The following GNAL variants were observed in gnomAD, a reference collection of about 807,000 sequenced individuals.
GNAL encodes guanine nucleotide-binding protein G(olf) subunit alpha.
Under a neutral mutation model 55.1 loss-of-function variants are expected in GNAL, and 18 were observed. The observed-to-expected ratio is 0.33, with a 90% CI of 0.23 to 0.48. The LOEUF (loss-of-function observed/expected upper bound fraction) is 0.48, where lower values mean the gene tolerates loss of function less well. Ranked by LOEUF, GNAL falls within the 20% of genes least tolerant of loss-of-function variation. The probability of loss-of-function intolerance (pLI) is 0.99; values close to 1 mark genes in which losing one functional copy is unlikely to be tolerated. For synonymous variants in GNAL, 253 were observed against 237.0 expected (o/e 1.07, Z -0.62); for missense variants, 412 against 614.1 (o/e 0.67, Z 3.48).
intron 1 of GNAL, among the ~76,000 whole-genome samples, chr18:11,732,052 T>C (rs1423971261): frequency 6.6e-6 from 1 of 152,246 alleles, no homozygotes; most frequent in African/African-American, 2.4e-5. Flanking sequence ...TTCCATCATA[T>C]AGGTATACCA....
chr18:11,799,670 C>G (rs937105698), intron 4 of GNAL, among the ~76,000 whole-genome samples: 2 of 152,128 alleles, frequency 1.3e-5, no homozygotes, highest in Non-Finnish European at 2.9e-5. Context: ...GGATGCTCAA[C>G]CTACGTATAA....
chr18:11,764,143 C>T (rs764185899), intron 4 of GNAL, among the ~76,000 whole-genome samples: 1 of 152,030 alleles, frequency 6.6e-6, no homozygotes, highest in African/African-American at 2.4e-5. Context: ...CTTGCTCTGT[C>T]GCCCAGGCTA....
In GNAL at chr18:11,833,602, C is replaced by G. The variant is rs1439018776; in HGVS notation, c.722+8587C>G. The G allele has an allele frequency of 2.0e-5, 3 of 152,262 alleles. No homozygotes were observed. In the East Asian group the frequency reaches 5.8e-4, roughly 29 times the overall value. 9.4% of individuals were successfully genotyped at this position (152,262 alleles called of 1,614,324 possible). ...CTGTTTTTAAAATATCTCAGAAAAT[C>G]TACTTACTTGGGTGGAGAACTGCAG... is the stretch of plus-strand genomic sequence containing the variant. On this transcript the variant is annotated intron_variant, in intron 5 of 11. Coordinates refer to ENST00000334049, the MANE Select transcript of GNAL (RefSeq NM_182978.4).
intron 4 of GNAL, among the ~76,000 whole-genome samples, chr18:11,776,921 G>A (rs2033801959): frequency 6.6e-6 from 1 of 152,022 alleles, no homozygotes. Context: ...CTTTCCAAGA[G>A]GTCATCCCAA....
In GNAL at chr18:11,885,112, G is replaced by T; in HGVS notation, c.*3977G>T. ...GCAGATACTTTTATGTGGAACAACA[G>T]TGGCAAATGTTTTCATTTACTTTGA... On this transcript the variant is annotated 3_prime_UTR_variant, in exon 12 of 12. Coordinates refer to ENST00000334049, the MANE Select transcript of GNAL (RefSeq NM_182978.4). 1 of 1,135,386 alleles carries T rather than the reference G, an allele frequency of 8.8e-7. No homozygotes were observed. Among genetic ancestry groups the T allele is most frequent in the Non-Finnish European group, 1.1e-6 (1 of 878,280 alleles). The allele number at this position is 1,135,386 out of a possible 1,614,324, so 70.3% of individuals were successfully genotyped here.
In GNAL at chr18:11,752,914, G is replaced by T; in HGVS notation, c.438G>T (p.Gly146=). The T allele has an allele frequency of 6.3e-7, 1 of 1,595,236 alleles. No individual in the cohort carries two copies. The highest frequency in any genetic ancestry group is 8.6e-7 in the Non-Finnish European group (1 of 1,162,938). The change falls in exon 2 of 12, where the codon GGG becomes GGT. Residue 146 remains glycine (G), a synonymous_variant. Transcript: ENST00000334049. The surrounding 1 kb of genome is among the most constrained non-coding windows in gnomAD (Gnocchi z 4.5). ...VKQMRILHVN[G]FNPEEKKQKI... is the part of the protein sequence containing the mutation. ...AGATGAGGATCCTGCACGTCAATGG[G>T]TTTAATCCCGAGTAAGAATGTTCAG...
In GNAL at chr18:11,746,576, C is replaced by T. The variant is rs1598425299; in HGVS notation, c.377-6277C>T. On this transcript the variant is annotated intron_variant, in intron 1 of 11. Coordinates refer to ENST00000334049, the MANE Select transcript of GNAL (RefSeq NM_182978.4). ...AGTGAGCTGTGATTGTGCCACTGCA[C>T]TCAAGCCTGGCAGCAGAGTGAGACC... is the stretch of plus-strand genomic sequence containing the variant. 2.5e-5 allele frequency: 6 copies of T among 243,244 alleles called. No homozygotes were observed. The Admixed American group carries it at 2.9e-4, about 12-fold the overall frequency. The allele number at this position is 243,244 out of a possible 1,614,324, so 15.1% of individuals were successfully genotyped here.
intron 1 of GNAL, among the ~76,000 whole-genome samples, chr18:11,744,058 AAC>A (rs2032636709): frequency 6.6e-6 from 1 of 152,166 alleles, no homozygotes; most frequent in South Asian, 2.1e-4. Context: ...TCCACCTTCT[AAC>A]ACAGTAATTA....
At chr18:11,833,790 A>G (rs1435742490) in intron 5 of GNAL, 1 of 152,246 alleles carries the variant, frequency 6.6e-6, no homozygotes, top group Non-Finnish European at 1.5e-5. Context: ...TAAAACAAAA[A>G]TCACATTTTT....
chr18:11,795,641 A>C (rs777204771), intron 4 of GNAL, among the ~76,000 whole-genome samples: 65 of 152,278 alleles, frequency 4.3e-4, no homozygotes, highest in Admixed American at 7.8e-4. Flanking sequence ...ACCTGTTTTA[A>C]ATAGTCACTT....
At chr18:11,745,616 A>T (rs1053278205) in intron 1 of GNAL, 3 of 153,038 alleles carry the variant, frequency 2.0e-5, no homozygotes, top group Non-Finnish European at 4.4e-5. Context: ...CCATGGCTTC[A>T]CAGGACCGTA....
chr18:11,738,083 C>T (rs920249287), intron 1 of GNAL, among the ~76,000 whole-genome samples: 1 of 152,246 alleles, frequency 6.6e-6, no homozygotes, highest in Admixed American at 6.5e-5. Flanking sequence ...TAGCTCATCA[C>T]TCAGCAGATG....
intron 4 of GNAL, among the ~76,000 whole-genome samples, chr18:11,794,458 T>TA (rs1386984362): frequency 5.9e-5 from 9 of 152,308 alleles, no homozygotes; most frequent in African/African-American, 2.2e-4. Flanking sequence ...AACAGTATGC[T>TA]AAGTGACAGA....
intron 4 of GNAL, among the ~76,000 whole-genome samples, chr18:11,812,513 A>T (rs955027290): frequency 1.9e-4 from 29 of 152,220 alleles, no homozygotes; most frequent in Non-Finnish European, 3.4e-4. Flanking sequence ...AAATGAAAAA[A>T]ATCTGAAAAA....
intron 1 of GNAL, among the ~76,000 whole-genome samples, chr18:11,698,642 G>A (rs1263158215): frequency 6.6e-6 from 1 of 152,130 alleles, no homozygotes; most frequent in Admixed American, 6.5e-5. Flanking sequence ...TGCTGCTGGA[G>A]GACAGAACAG....
At chr18:11,691,878 G>C (rs2031259820) in intron 1 of GNAL, among the ~76,000 whole-genome samples, 1 of 152,172 alleles carries the variant, frequency 6.6e-6, no homozygotes, top group African/African-American at 2.4e-5. Context: ...GTGCAGGAGG[G>C]TGGGTGCAGA....
At chr18:11,784,024 G>GC (rs2033990758) in intron 4 of GNAL, among the ~76,000 whole-genome samples, 1 of 152,202 alleles carries the variant, frequency 6.6e-6, no homozygotes, top group African/African-American at 2.4e-5. Context: ...GCTACTCCAG[G>GC]CCCCCTGGTA....
chr18:11,689,652 C>T lies in GNAL; in HGVS notation c.89C>T (p.Ala30Val). Residue 30 changes from alanine to valine, a missense_variant, in exon 1 of 12, where the codon GCG becomes GTG. Ala to Val is a moderately conservative substitution (Grantham distance 64). Coordinates refer to ENST00000334049, the MANE Select transcript of GNAL (RefSeq NM_182978.4). ...GCCTCGGAGCCGCCGGTGGAGGACG[C>T]GCAGCCCGCCCCGGCCCCGGCCCTG... The part of the protein sequence containing the change: ...CAASEPPVED[A>V]QPAPAPALAP... The T allele has an allele frequency of 1.4e-6, 2 of 1,400,444 alleles. No homozygotes were observed. The highest frequency in any genetic ancestry group is 1.6e-5 in the South Asian group (1 of 63,864). 86.8% of individuals were successfully genotyped at this position (1,400,444 alleles called of 1,614,324 possible).
At chr18:11,826,077 G>T (rs2143657413) in intron 5 of GNAL, among the ~76,000 whole-genome samples, 1 of 152,278 alleles carries the variant, frequency 6.6e-6, no homozygotes, top group South Asian at 2.1e-4. Flanking sequence ...CCAATCAGTG[G>T]AGCTGCATTG....
Sources: gnomAD v4.1 joint callset for allele counts (sites outside exome capture counted in the v4.1 genomes callset) on GRCh38, gnomAD v4.1.1 for gene constraint, Gnocchi (gnomAD v3.1) non-coding constraint, MANE v1.5 for transcripts, NCBI Gene and HGNC (gene_info 2026-07-23, HGNC 2026-07-21) for gene names.